The following GPC4 variants were observed in gnomAD, a reference collection of about 807,000 sequenced individuals.
The protein encoded by GPC4 is glypican-4.
GPC4 carries 10 observed loss-of-function variants against 35.0 expected under a neutral mutation model. The observed-to-expected ratio is 0.29, with a 90% CI of 0.18 to 0.48. GPC4 has a LOEUF of 0.48. GPC4 is among the 20% of genes least tolerant of loss of function. The probability of loss-of-function intolerance (pLI) is 0.99; values close to 1 mark genes in which losing one functional copy is unlikely to be tolerated. For missense variants in GPC4, 322 were observed against 451.3 expected (o/e 0.71, Z 2.60); for synonymous variants, 167 against 170.2 (o/e 0.98, Z 0.15).
At chrX:133,388,737 C>T (rs1266071138) in intron 1 of GPC4, among the ~76,000 whole-genome samples, 1 of 109,903 alleles carries the variant, frequency 9.1e-6, no homozygotes, top group Non-Finnish European at 1.9e-5. Context: ...CTCCTGACCT[C>T]GTGATCCACC....
intron 3 of GPC4, among the ~76,000 whole-genome samples, chrX:133,314,886 A>T (rs2068330144): frequency 9.0e-6 from 1 of 111,247 alleles, no homozygotes; most frequent in Non-Finnish European, 1.9e-5. Flanking sequence ...AGCACTGCCC[A>T]GGCCTTTGGT....
intron 1 of GPC4, among the ~76,000 whole-genome samples, chrX:133,367,462 C>A (rs946593931): frequency 1.2e-4 from 13 of 112,614 alleles, no homozygotes; most frequent in African/African-American, 3.9e-4. Flanking sequence ...TATTTTAAAT[C>A]ATTTTTAATT....
rs369031459 is a variant in GPC4 at position 133,302,925 on chromosome X, G to A, written c.1613C>T (p.Ala538Val). The stretch of plus-strand genomic sequence containing the variant: ...GATGCAGAAGACAGTGAGGAGGTAG[G>A]CCTGTGCCCCAGGACGGACACCAGC... ...DSAGVRPGAQ[A>V]YLLTVFCILF... is the part of the protein sequence containing the mutation. The change falls in exon 9 of 9, where the codon GCC becomes GTC. Residue 538 changes from alanine (A) to valine (V), a missense_variant. By Grantham distance (64) the Ala-to-Val change is moderately conservative. Coordinates refer to ENST00000370828, the MANE Select transcript of GPC4 (RefSeq NM_001448.3). The A allele has an allele frequency of 1.8e-5, 22 of 1,209,867 alleles. No individual in the cohort carries two copies. In the African/African-American group the frequency reaches 2.1e-4, roughly 12 times the overall value.
chrX:133,357,576 G>C, intron 1 of GPC4, among the ~76,000 whole-genome samples: 1 of 108,715 alleles, frequency 9.2e-6, no homozygotes, highest in South Asian at 4.2e-4. Flanking sequence ...TTAAGAGACA[G>C]GGTCTCACTG....
chrX:133,367,098 G>T (rs1479583101), intron 1 of GPC4, among the ~76,000 whole-genome samples: 1 of 112,094 alleles, frequency 8.9e-6, no homozygotes, highest in Non-Finnish European at 1.9e-5. Context: ...CTCCCACCCT[G>T]TGAAGTATAC....
At chrX:133,391,476 G>A (rs1351692959) in intron 1 of GPC4, among the ~76,000 whole-genome samples, 2 of 112,154 alleles carry the variant, frequency 1.8e-5, no homozygotes, top group African/African-American at 6.5e-5. Context: ...AATCCTTTTA[G>A]TTCTGTATTG....
rs1039874156 is a variant in GPC4, at chrX:133,305,816, C to T, written c.1111G>A (p.Glu371Lys). The change falls in exon 6 of 9, where the codon GAG (glutamate) becomes AAG (lysine). Residue 371 changes from glutamate to lysine, a missense_variant. This residue lies in a region of GPC4 where 163 missense variants were observed against 277.2 expected (regional missense o/e 0.59). Coordinates refer to ENST00000370828, the MANE Select transcript of GPC4 (RefSeq NM_001448.3). Reference sequence around the variant, plus strand: ...CCAGCTGCTGTGGTTGGGCGTTCCTCGGGGTGATGTGGTCTGAAGCGAGCA... The same window carrying T: ...CCAGCTGCTGTGGTTGGGCGTTCCTTGGGGTGATGTGGTCTGAAGCGAGCA... Reference protein sequence around the residue: ...FSARFRPHHPEERPTTAAGTS... With the variant: ...FSARFRPHHPKERPTTAAGTS... The T allele has an allele frequency of 1.5e-5, 18 of 1,210,101 alleles. No individual in the cohort carries two copies. The highest frequency in any genetic ancestry group is 1.4e-4 in the South Asian group (8 of 56,784).
intron 1 of GPC4, among the ~76,000 whole-genome samples, chrX:133,385,317 C>A (rs1041927564): frequency 2.7e-5 from 3 of 111,797 alleles, no homozygotes; most frequent in African/African-American, 9.7e-5. Context: ...GGGAAAAGAG[C>A]ATAAAAGTGT....
At chrX:133,355,578 A>G (rs1490477293) in intron 1 of GPC4, among the ~76,000 whole-genome samples, 2 of 112,142 alleles carry the variant, frequency 1.8e-5, no homozygotes, top group Admixed American at 1.9e-4. Context: ...GACCGCATAC[A>G]GAACCCAAAC....
At chrX:133,342,643 T>G (rs2068472326) in intron 1 of GPC4, among the ~76,000 whole-genome samples, 1 of 111,580 alleles carries the variant, frequency 9.0e-6, no homozygotes, top group Non-Finnish European at 1.9e-5. Flanking sequence ...ACTTGTGAAT[T>G]AAACCCCAAG....
At chrX:133,387,314 G>A (rs1265897428) in intron 1 of GPC4, among the ~76,000 whole-genome samples, 1 of 111,479 alleles carries the variant, frequency 9.0e-6, no homozygotes, top group African/African-American at 3.3e-5. Flanking sequence ...TATATGCTGC[G>A]AATAATGTCC....
intron 1 of GPC4, among the ~76,000 whole-genome samples, chrX:133,387,345 T>C (rs1409342284): frequency 1.8e-5 from 2 of 111,762 alleles, no homozygotes; most frequent in African/African-American, 6.5e-5. Context: ...TGCAGGGATA[T>C]TAATTCCTTC....
intron 1 of GPC4, among the ~76,000 whole-genome samples, chrX:133,361,246 A>T (rs772828241): frequency 7.0e-4 from 78 of 111,921 alleles, no homozygotes; most frequent in African/African-American, 2.2e-3. Flanking sequence ...AAAAAAGAAC[A>T]TTCATTTTTC....
intron 3 of GPC4, among the ~76,000 whole-genome samples, chrX:133,317,343 A>G (rs2068343489): frequency 8.9e-6 from 1 of 111,744 alleles, no homozygotes; most frequent in South Asian, 3.8e-4. Context: ...CTCAGGATAT[A>G]TACATTTATC....
chrX:133,333,321 C>A (rs143895977), intron 2 of GPC4, among the ~76,000 whole-genome samples: 1 of 112,901 alleles, frequency 8.9e-6, no homozygotes, highest in East Asian at 2.8e-4. Context: ...TTGCTGATGT[C>A]ATGCCTTCTG....
intron 2 of GPC4, among the ~76,000 whole-genome samples, chrX:133,332,718 C>T (rs1208283867): frequency 8.9e-6 from 1 of 112,168 alleles, no homozygotes; most frequent in Non-Finnish European, 1.9e-5. Context: ...TTTTTAATGG[C>T]TGCATACAAT....
intron 3 of GPC4, among the ~76,000 whole-genome samples, chrX:133,313,471 A>C (rs994813563): frequency 3.6e-5 from 4 of 112,608 alleles, no homozygotes; most frequent in Admixed American, 1.9e-4. Context: ...TATACCCTGG[A>C]GGAATGGCCT....
intron 2 of GPC4, among the ~76,000 whole-genome samples, chrX:133,336,750 T>TAA (rs1284486332): frequency 9.2e-6 from 1 of 109,195 alleles, no homozygotes; most frequent in African/African-American, 3.3e-5. Context: ...TACTACCCAT[T>TAA]AAAAAAAAAC....
At chrX:133,393,988 A>G (rs1172425269) in intron 1 of GPC4, among the ~76,000 whole-genome samples, 1 of 111,673 alleles carries the variant, frequency 9.0e-6, no homozygotes, top group Non-Finnish European at 1.9e-5. Context: ...AAACATATGC[A>G]CACCGGGCAC....
Sources: gnomAD v4.1 joint callset for allele counts (sites outside exome capture counted in the v4.1 genomes callset) on GRCh38, gnomAD v4.1.1 for gene constraint, gnomAD v4.1.1 regional missense constraint, MANE v1.5 for transcripts, NCBI Gene and HGNC (gene_info 2026-07-23, HGNC 2026-07-21) for gene names.